The following KATNAL1 variants were observed in gnomAD, a reference collection of about 807,000 sequenced individuals.
KATNAL1 encodes the protein katanin p60 ATPase-containing subunit A-like 1.
A neutral mutation model predicts 55.2 loss-of-function variants in KATNAL1; 32 were observed. The ratio of observed to expected loss-of-function variants is 0.58; its 90% CI spans 0.44 to 0.78. The LOEUF is 0.78. Ranked by LOEUF, KATNAL1 falls within the 30% of genes least tolerant of loss-of-function variation. The pLI, the probability that KATNAL1 is intolerant of heterozygous loss-of-function variation, is 0.00. For missense variants in KATNAL1, 466 were observed against 600.9 expected (o/e 0.78, Z 2.35); for synonymous variants, 193 against 193.6 (o/e 1.00, Z 0.02).
intron 1 of KATNAL1, chr13:30,296,344 CA>C (rs1456851143): frequency 4.3e-6 from 5 of 1,150,418 alleles, no homozygotes; most frequent in Non-Finnish European, 6.4e-6. Flanking sequence ...AGGACTTCCG[CA>C]AGCTGGGCTG....
chr13:30,298,293 T>C (rs1882652907), intron 1 of KATNAL1, among the ~76,000 whole-genome samples: 2 of 152,220 alleles, frequency 1.3e-5, no homozygotes, highest in South Asian at 2.1e-4. Context: ...ATTTCCTTCA[T>C]TTAGAATAAT....
At chr13:30,241,338 T>A (rs779241785) in intron 4 of KATNAL1, among the ~76,000 whole-genome samples, 2 of 152,166 alleles carry the variant, frequency 1.3e-5, no homozygotes, top group Non-Finnish European at 2.9e-5. Flanking sequence ...ACTAAACTGA[T>A]CCTTGCTAGA....
chr13:30,274,823 C>T (rs1880631157), intron 3 of KATNAL1, among the ~76,000 whole-genome samples: 2 of 151,716 alleles, frequency 1.3e-5, no homozygotes, highest in African/African-American at 4.8e-5. Flanking sequence ...ACTAAACATA[C>T]ATTGACAGAT....
chr13:30,217,067 T>C (rs1874345649), intron 9 of KATNAL1, among the ~76,000 whole-genome samples: 1 of 150,488 alleles, frequency 6.6e-6, no homozygotes, highest in South Asian at 2.1e-4. Flanking sequence ...CTAGTAACTA[T>C]GATTGGTGGC....
intron 4 of KATNAL1, among the ~76,000 whole-genome samples, chr13:30,254,251 G>A (rs1265698905): frequency 2.6e-5 from 4 of 152,156 alleles, no homozygotes; most frequent in Non-Finnish European, 5.9e-5. Flanking sequence ...AGAGTTTCAA[G>A]TATCCATTTA....
chr13:30,221,718 C>T (rs79397463), intron 9 of KATNAL1, among the ~76,000 whole-genome samples: 1,532 of 152,216 alleles, frequency 0.01, 24 homozygotes, highest in African/African-American at 0.034. Context: ...TAATTTTATA[C>T]GTCAACTTGG....
chr13:30,210,650 G>GAAAAAAAA (rs33951005), intron 9 of KATNAL1: 4 of 120,266 alleles, frequency 3.3e-5, no homozygotes, highest in African/African-American at 3.1e-5. Flanking sequence ...ACTAAAAATT[G>GAAAAAAAA]AAAAAAAAAA....
intron 3 of KATNAL1, among the ~76,000 whole-genome samples, chr13:30,259,048 C>T (rs1230024416): frequency 1.3e-5 from 2 of 152,148 alleles, no homozygotes; most frequent in Non-Finnish European, 2.9e-5. Context: ...ACGTAAAAGG[C>T]TGTATTAAGG....
chr13:30,215,493 T>C (rs1382722477), intron 9 of KATNAL1, among the ~76,000 whole-genome samples: 1 of 152,262 alleles, frequency 6.6e-6, no homozygotes, highest in Non-Finnish European at 1.5e-5. Context: ...TATTGTGGCA[T>C]TATTCACAAT....
At chr13:30,245,901 C>T (rs537788717) in intron 4 of KATNAL1, among the ~76,000 whole-genome samples, 5 of 152,104 alleles carry the variant, frequency 3.3e-5, no homozygotes, top group East Asian at 3.9e-4. Flanking sequence ...CAAGAGAGGA[C>T]GCAAACTAAT....
chr13:30,210,596 G>T, intron 9 of KATNAL1, 154 bp from the exon 10 acceptor site: 1 of 313,734 alleles, frequency 3.2e-6, no homozygotes, highest in East Asian at 6.8e-5. Flanking sequence ...TTCACTGCAT[G>T]ACTCATGGAA....
At chr13:30,277,962 G>A (rs1357080144) in intron 3 of KATNAL1, among the ~76,000 whole-genome samples, 7 of 118,488 alleles carry the variant, frequency 5.9e-5, no homozygotes, top group Non-Finnish European at 9.7e-5. Context: ...CAGCCTGGGG[G>A]ACAGAGCGAG....
chr13:30,244,047 A>G (rs1050679248), intron 4 of KATNAL1, among the ~76,000 whole-genome samples: 1 of 151,972 alleles, frequency 6.6e-6, no homozygotes, highest in Non-Finnish European at 1.5e-5. Flanking sequence ...CATCATCTAC[A>G]TTAGGTATTT....
At chr13:30,232,667 G>T (rs1444093865) in intron 6 of KATNAL1, among the ~76,000 whole-genome samples, 1 of 152,070 alleles carries the variant, frequency 6.6e-6, no homozygotes, top group Non-Finnish European at 1.5e-5. Context: ...ACCTCCTATA[G>T]GAGTTAATTT....
At position 30,206,398 on chromosome 13, in the gene KATNAL1, G is replaced by A. The variant is rs1873155083; in HGVS notation, c.*2142C>T. On this transcript the variant is annotated 3_prime_UTR_variant, in exon 11 of 11. Coordinates refer to ENST00000380615, the MANE Select transcript of KATNAL1 (RefSeq NM_032116.5). ...CAAAGCATCTACCATCCACTGACAG[G>A]GCAAAATGAGAAACAAGGGAAATAA... 1 of 151,888 alleles carries A rather than the reference G, an allele frequency of 6.6e-6. No homozygotes were observed. Among genetic ancestry groups the A allele is most frequent in the Non-Finnish European group, 1.5e-5 (1 of 67,970 alleles). 9.4% of individuals were successfully genotyped at this position (151,888 alleles called of 1,614,324 possible).
chr13:30,283,898 C>T (rs1350594464), intron 1 of KATNAL1, 107 bp from the exon 2 acceptor site: 6 of 734,990 alleles, frequency 8.2e-6, no homozygotes, highest in African/African-American at 7.6e-5. Flanking sequence ...TTTTTTGAAA[C>T]AGAGACTCAC....
intron 3 of KATNAL1, among the ~76,000 whole-genome samples, chr13:30,268,292 A>C (rs1879939062): frequency 6.6e-6 from 1 of 152,218 alleles, no homozygotes; most frequent in Non-Finnish European, 1.5e-5. Context: ...ACTTTACCAC[A>C]AACAAGGCTC....
chr13:30,267,666 A>T (rs956566170), intron 3 of KATNAL1, among the ~76,000 whole-genome samples: 2 of 152,254 alleles, frequency 1.3e-5, no homozygotes, highest in Non-Finnish European at 2.9e-5. Context: ...ATAAGCTGAA[A>T]ACCTTCCCAC....
At chr13:30,272,777 A>G (rs1880480881) in intron 3 of KATNAL1, among the ~76,000 whole-genome samples, 1 of 152,230 alleles carries the variant, frequency 6.6e-6, no homozygotes, top group Non-Finnish European at 1.5e-5. Context: ...GAAATCTTAC[A>G]TAAAAGGAAC....
Sources: allele counts gnomAD v4.1 joint callset (sites outside exome capture counted in the v4.1 genomes callset), GRCh38; gene constraint gnomAD v4.1.1; transcripts MANE v1.5; gene names NCBI Gene and HGNC (gene_info 2026-07-23, HGNC 2026-07-21).